Variants in NKAIN2 observed in about 807,000 individuals in gnomAD.
NKAIN2 encodes the protein sodium/potassium-transporting ATPase subunit beta-1-interacting protein 2.
NKAIN2 carries 14 observed loss-of-function variants against 32.6 expected under a neutral mutation model. That is an observed-to-expected ratio of 0.43 (90% CI 0.28 to 0.67). NKAIN2 has a LOEUF of 0.67. Among genes scored for constraint, NKAIN2 ranks in the 30% least tolerant of loss-of-function variants. The pLI is 0.17. For missense variants in NKAIN2, 198 were observed against 258.3 expected, an observed-to-expected ratio of 0.77 and a Z score of 1.60; for synonymous variants, 80 against 87.2, an observed-to-expected ratio of 0.92 and a Z score of 0.46.
chr6:123,916,626 A>G (rs1775509011), intron 1 of NKAIN2, among the ~76,000 whole-genome samples: 1 of 152,098 alleles, frequency 6.6e-6, no homozygotes, highest in Non-Finnish European at 1.5e-5. Flanking sequence ...TGATGAAAGA[A>G]AAGGTGGATA....
At chr6:124,592,189 G>T (rs1168104057) in intron 3 of NKAIN2, among the ~76,000 whole-genome samples, 1 of 152,056 alleles carries the variant, frequency 6.6e-6, no homozygotes, top group Non-Finnish European at 1.5e-5. Context: ...TTTGATAGAG[G>T]TTATATTCAT....
At chr6:123,821,628 T>G (rs753135427) in intron 1 of NKAIN2, among the ~76,000 whole-genome samples, 2 of 152,100 alleles carry the variant, frequency 1.3e-5, no homozygotes, top group Non-Finnish European at 2.9e-5. Flanking sequence ...AAAGGTAGTA[T>G]TTTTCTTTAT....
intron 1 of NKAIN2, among the ~76,000 whole-genome samples, chr6:124,051,432 T>C (rs1327058868): frequency 6.6e-6 from 1 of 152,066 alleles, no homozygotes; most frequent in Non-Finnish European, 1.5e-5. Flanking sequence ...ATTTTTGTTT[T>C]TTTAAATTAT....
chr6:123,814,994 C>T (rs564592127), intron 1 of NKAIN2, among the ~76,000 whole-genome samples: 35 of 152,268 alleles, frequency 2.3e-4, no homozygotes, highest in Admixed American at 2.3e-3. Flanking sequence ...ACTAAATCAG[C>T]TTCATCAAGT....
chr6:124,762,278 G>A (rs1483766745), intron 4 of NKAIN2, among the ~76,000 whole-genome samples: 1 of 152,062 alleles, frequency 6.6e-6, no homozygotes, highest in Non-Finnish European at 1.5e-5. Context: ...CATCCCTGGT[G>A]TCTTTTTGTT....
intron 1 of NKAIN2, among the ~76,000 whole-genome samples, chr6:124,245,737 T>G (rs1231836824): frequency 6.6e-6 from 1 of 152,142 alleles, no homozygotes; most frequent in Non-Finnish European, 1.5e-5. Context: ...AGCTCTGAGT[T>G]TGAATCTAGA....
intron 1 of NKAIN2, among the ~76,000 whole-genome samples, chr6:124,174,640 G>T (rs1312294889): frequency 1.3e-5 from 2 of 152,042 alleles, no homozygotes; most frequent in African/African-American, 2.4e-5. Context: ...TTCAACTAGG[G>T]AATGGTCAAA....
intron 1 of NKAIN2, among the ~76,000 whole-genome samples, chr6:123,819,502 C>T (rs1773835315): frequency 6.6e-6 from 1 of 152,146 alleles, no homozygotes; most frequent in East Asian, 1.9e-4. Flanking sequence ...CCTGATTTTT[C>T]TGCTGGGGTC....
intron 1 of NKAIN2, among the ~76,000 whole-genome samples, chr6:123,869,577 A>G (rs2114274951): frequency 1.3e-5 from 2 of 152,368 alleles, no homozygotes; most frequent in South Asian, 4.1e-4. Flanking sequence ...TGCATAGTTC[A>G]GCATCTACAG....
At chr6:124,395,025 A>G (rs1773316995) in intron 3 of NKAIN2, among the ~76,000 whole-genome samples, 1 of 152,156 alleles carries the variant, frequency 6.6e-6, no homozygotes, top group Admixed American at 6.6e-5. Context: ...ATCTCTTTCC[A>G]GAGAGCCAGA....
chr6:124,536,506 A>G (rs923604448), intron 3 of NKAIN2, among the ~76,000 whole-genome samples: 2 of 152,046 alleles, frequency 1.3e-5, no homozygotes, highest in Non-Finnish European at 2.9e-5. Context: ...GACCCCTTCC[A>G]AGCAGGGCAA....
intron 4 of NKAIN2, among the ~76,000 whole-genome samples, chr6:124,681,849 C>A: frequency 6.6e-6 from 1 of 151,808 alleles, no homozygotes; most frequent in African/African-American, 2.4e-5. Flanking sequence ...GGTGGGAAAC[C>A]AGAAATAGAA....
chr6:124,249,072 G>A (rs1225251793), intron 1 of NKAIN2, among the ~76,000 whole-genome samples: 1 of 152,096 alleles, frequency 6.6e-6, no homozygotes, highest in African/African-American at 2.4e-5. Context: ...AGAACTGTTG[G>A]TCTGGTTCTT....
At chr6:123,885,384 A>G (rs1274323154) in intron 1 of NKAIN2, among the ~76,000 whole-genome samples, 1 of 152,160 alleles carries the variant, frequency 6.6e-6, no homozygotes, top group Non-Finnish European at 1.5e-5. Context: ...TAGCTCCTCT[A>G]CAATAACTGT....
intron 3 of NKAIN2, among the ~76,000 whole-genome samples, chr6:124,606,524 G>A (rs1387494355): frequency 1.3e-5 from 2 of 151,930 alleles, no homozygotes; most frequent in Non-Finnish European, 2.9e-5. Flanking sequence ...ACATTTATCT[G>A]CAACTTCTTT....
intron 1 of NKAIN2, among the ~76,000 whole-genome samples, chr6:124,043,723 G>A (rs1781984205): frequency 6.6e-6 from 1 of 152,078 alleles, no homozygotes. Flanking sequence ...GATTTTAGCA[G>A]ATTGTCTTAC....
At chr6:124,394,155 A>G (rs1773260275) in intron 3 of NKAIN2, among the ~76,000 whole-genome samples, 1 of 151,968 alleles carries the variant, frequency 6.6e-6, no homozygotes, top group African/African-American at 2.4e-5. Context: ...TCTTTATTTT[A>G]TTTGTATTTT....
chr6:124,121,492 T>C (rs1785878104), intron 1 of NKAIN2, among the ~76,000 whole-genome samples: 1 of 152,090 alleles, frequency 6.6e-6, no homozygotes, highest in Non-Finnish European at 1.5e-5. Context: ...CTATTAATTA[T>C]AATAATACAC....
At chr6:124,433,900 C>T (rs747195927) in intron 3 of NKAIN2, among the ~76,000 whole-genome samples, 7 of 152,106 alleles carry the variant, frequency 4.6e-5, no homozygotes, top group South Asian at 2.1e-4. Context: ...TTTGCTGCTC[C>T]GGCTGGTGGT....
Sources: allele counts gnomAD v4.1 joint callset (sites outside exome capture counted in the v4.1 genomes callset), GRCh38; gene constraint gnomAD v4.1.1; transcripts MANE v1.5; gene names NCBI Gene and HGNC (gene_info 2026-07-23, HGNC 2026-07-21).